HMCN1: variants seen among roughly 807,000 people sequenced by gnomAD.
HMCN1 encodes the protein hemicentin-1.
HMCN1 carries 321 observed loss-of-function variants against 625.9 expected under a neutral mutation model. The observed-to-expected ratio is 0.51, with a 90% CI of 0.47 to 0.56. The LOEUF (loss-of-function observed/expected upper bound fraction) is 0.56, where lower values mean the gene tolerates loss of function less well. HMCN1 is among the 20% of genes least tolerant of loss of function. The pLI is 0.00. For synonymous variants in HMCN1, 2,425 were observed against 2,417.6 expected (o/e 1.00, Z -0.09); for missense variants, 6,588 against 6,887.3 (o/e 0.96, Z 1.54).
At chr1:185,864,192 G>A (rs1177453768) in intron 2 of HMCN1, among the ~76,000 whole-genome samples, 7 of 152,188 alleles carry the variant, frequency 4.6e-5, no homozygotes, top group South Asian at 2.1e-4. Flanking sequence ...TGAGATCATC[G>A]TGTAAGAGAA....
At chr1:185,809,912 T>C (rs1659406804) in intron 1 of HMCN1, among the ~76,000 whole-genome samples, 1 of 152,104 alleles carries the variant, frequency 6.6e-6, no homozygotes, top group Non-Finnish European at 1.5e-5. Flanking sequence ...TTTAGTACTA[T>C]TTTTCTTTTG....
chr1:185,739,013 C>A (rs80172957), intron 1 of HMCN1, among the ~76,000 whole-genome samples: 67 of 151,418 alleles, frequency 4.4e-4, no homozygotes, highest in African/African-American at 1.6e-3. Context: ...CAGTCCTCAT[C>A]CTCCCCCTAT....
At chr1:186,086,498 T>C in intron 58 of HMCN1, 91 bp downstream of exon 58, 1 of 1,326,398 alleles carries the variant, frequency 7.5e-7, no homozygotes. Context: ...TCCAAACTTT[T>C]GTCGTGCTTC....
chr1:185,762,586 G>T (rs553962217), intron 1 of HMCN1, among the ~76,000 whole-genome samples: 3 of 152,154 alleles, frequency 2.0e-5, no homozygotes, highest in Non-Finnish European at 4.4e-5. Context: ...AGAGGAGAAA[G>T]AAATTTTACC....
rs539815910 is a variant in HMCN1 at position 186,114,732 on chromosome 1, A to C, written c.11277-87A>C. The C allele has an allele frequency of 6.3e-5, 92 of 1,469,282 alleles. No homozygotes were observed. In the South Asian group the frequency reaches 1.0e-3, roughly 16 times the overall value. The allele number at this position is 1,469,282 out of a possible 1,614,324, so 91.0% of individuals were successfully genotyped here. A position where few individuals can be genotyped will look rare whatever the true frequency, so the allele number is the denominator to read the frequency against. On this transcript the variant is annotated intron_variant, in intron 73 of 106. Transcript: ENST00000271588. ...ACAGGAAAAATACTGAATGGATTTC[A>C]CCAAGTGTTTAACATTTCCCTCAGT... is the stretch of plus-strand genomic sequence containing the variant.
intron 4 of HMCN1, among the ~76,000 whole-genome samples, chr1:185,878,150 G>A (rs1441685942): frequency 6.6e-6 from 1 of 152,182 alleles, no homozygotes; most frequent in Non-Finnish European, 1.5e-5. Flanking sequence ...AAGTCTAGGA[G>A]TCTTTAGAGT....
intron 1 of HMCN1, among the ~76,000 whole-genome samples, chr1:185,822,236 C>T (rs930713402): frequency 3.3e-5 from 5 of 151,936 alleles, no homozygotes; most frequent in African/African-American, 1.2e-4. Flanking sequence ...AATGTAGGTT[C>T]ATCAGTTGTA....
intron 11 of HMCN1, among the ~76,000 whole-genome samples, chr1:185,953,480 C>CTACCAGAAAA (rs1262725851): frequency 6.6e-6 from 1 of 151,806 alleles, no homozygotes; most frequent in African/African-American, 2.4e-5. Flanking sequence ...TCCTTTGTCT[C>CTACCAGAAAA]TACCAGAAAA....
chr1:185,967,874 G>GA (rs1227193366), intron 14 of HMCN1, among the ~76,000 whole-genome samples: 2 of 151,928 alleles, frequency 1.3e-5, no homozygotes, highest in Admixed American at 6.6e-5. Context: ...GTGTTTGAAA[G>GA]AAAAAAATGA....
chr1:186,019,461 T>C, intron 34 of HMCN1, 80 bp from the exon 35 acceptor site: 1 of 1,014,904 alleles, frequency 9.9e-7, no homozygotes, highest in Non-Finnish European at 1.6e-6. Flanking sequence ...ATTTTAAGGT[T>C]TCAGGTTCTT....
At chr1:185,801,540 G>A (rs7540773) in intron 1 of HMCN1, among the ~76,000 whole-genome samples, 13,781 of 152,138 alleles carry the variant, frequency 0.091, 1,995 homozygotes, top group African/African-American at 0.31. Flanking sequence ...CAGTCTTGTG[G>A]AGAGACAAAA....
At chr1:185,936,113 G>A (rs553977235) in intron 11 of HMCN1, among the ~76,000 whole-genome samples, 27 of 152,184 alleles carry the variant, frequency 1.8e-4, no homozygotes, top group African/African-American at 6.3e-4. Context: ...ATGTTGTTAT[G>A]CTTCCACTGG....
chr1:185,757,648 G>A (rs1655218414), intron 1 of HMCN1, among the ~76,000 whole-genome samples: 1 of 151,708 alleles, frequency 6.6e-6, no homozygotes, highest in Admixed American at 6.6e-5. Flanking sequence ...AAATATATAT[G>A]CTTATTTATT....
intron 30 of HMCN1, among the ~76,000 whole-genome samples, chr1:186,014,528 T>G (rs1017874829): frequency 2.6e-5 from 4 of 151,828 alleles, no homozygotes; most frequent in African/African-American, 9.7e-5. Context: ...AGAGACTGAG[T>G]GACTTGAGTT....
chr1:185,932,756 G>T (rs1667617044), intron 10 of HMCN1, among the ~76,000 whole-genome samples: 1 of 151,982 alleles, frequency 6.6e-6, no homozygotes, highest in Non-Finnish European at 1.5e-5. Flanking sequence ...TAGAGGACAG[G>T]TCAATAGGTG....
chr1:185,879,265 G>A (rs1404389678), intron 4 of HMCN1, among the ~76,000 whole-genome samples: 1 of 151,940 alleles, frequency 6.6e-6, no homozygotes, highest in Non-Finnish European at 1.5e-5. Flanking sequence ...CGACCTTCCA[G>A]GCCCAAGCAA....
At chr1:186,152,051 A>T (rs1433007397) in intron 95 of HMCN1, among the ~76,000 whole-genome samples, 1 of 152,208 alleles carries the variant, frequency 6.6e-6, no homozygotes, top group African/African-American at 2.4e-5. Flanking sequence ...AAGGAAAATG[A>T]GTTACTGTTA....
In HMCN1 at chr1:185,736,409, T is replaced by G. The variant is rs192937945; in HGVS notation, c.268+1362T>G. Among the ~76,000 whole-genome samples, 970 of 152,250 alleles carry G rather than the reference T, an allele frequency of 6.4e-3. 7 individuals carry two copies. The highest frequency in any genetic ancestry group is 0.024 in the Middle Eastern group (7 of 292). ...GTCTTAGACACTTCATATGTTGTGA[T>G]TTTCAATGTATTAAATGTCAAGATG... On this transcript the variant is annotated intron_variant, in intron 1 of 106. Coordinates refer to ENST00000271588, the MANE Select transcript of HMCN1 (RefSeq NM_031935.3).
In HMCN1 at chr1:185,965,019, A is replaced by T. The variant is rs1461454289; in HGVS notation, c.2099-783A>T. Among the ~76,000 whole-genome samples, 5 of 152,262 alleles carry T rather than the reference A, an allele frequency of 3.3e-5. No homozygotes were observed. The East Asian group carries it at 9.6e-4, about 29-fold the overall frequency. ...TGGAATTTTGAAGGCAGTAGGAATCACTGAAGGTATTCTAGCAGAGAAATT... is the reference window on the plus strand; with the variant it reads ...TGGAATTTTGAAGGCAGTAGGAATCTCTGAAGGTATTCTAGCAGAGAAATT... On this transcript the variant is annotated intron_variant, in intron 13 of 106. Transcript: ENST00000271588.
Sources: allele counts gnomAD v4.1 joint callset (sites outside exome capture counted in the v4.1 genomes callset), GRCh38; gene constraint gnomAD v4.1.1; transcripts MANE v1.5; gene names NCBI Gene and HGNC (gene_info 2026-07-23, HGNC 2026-07-21).